SLC2A14: variants seen among roughly 807,000 people sequenced by gnomAD.
SLC2A14 encodes the protein solute carrier family 2, facilitated glucose transporter member 14.
A neutral mutation model predicts 43.0 loss-of-function variants in SLC2A14; 13 were observed. The observed-to-expected ratio is 0.30, with a 90% CI of 0.20 to 0.48. The LOEUF is 0.48. Among genes scored for constraint, SLC2A14 ranks in the 20% least tolerant of loss-of-function variants. The probability of loss-of-function intolerance (pLI) is 0.99; values close to 1 mark genes in which losing one functional copy is unlikely to be tolerated. For synonymous variants in SLC2A14, 190 were observed against 233.8 expected, an observed-to-expected ratio of 0.81 and a Z score of 1.71; for missense variants, 428 against 620.4, an observed-to-expected ratio of 0.69 and a Z score of 3.29.
intron 7 of SLC2A14, 128 bp from the exon 8 acceptor site, chr12:7,821,453 C>T (rs1863902136): frequency 1.4e-6 from 1 of 715,068 alleles, no homozygotes; most frequent in Non-Finnish European, 2.4e-6. Context: ...GAGGCCAAGG[C>T]AAGCAGATCG....
intron 2 of SLC2A14, among the ~76,000 whole-genome samples, chr12:7,858,303 C>T (rs748652960): frequency 2.0e-5 from 3 of 152,046 alleles, no homozygotes; most frequent in Non-Finnish European, 4.4e-5. Context: ...CTCAACCACT[C>T]AACATCTGAC....
intron 1 of SLC2A14, among the ~76,000 whole-genome samples, chr12:7,878,975 T>A (rs1223546336): frequency 2.5e-4 from 2 of 8,106 alleles, no homozygotes; most frequent in Non-Finnish European, 5.5e-4. Flanking sequence ...AGAGTCCGTC[T>A]CAAAAAAAAA....
intron 7 of SLC2A14, among the ~76,000 whole-genome samples, chr12:7,827,095 CTCTT>C (rs1555122320): frequency 3.9e-4 from 21 of 53,568 alleles, no homozygotes; most frequent in East Asian, 8.6e-4. Flanking sequence ...TTCTTTCTTT[CTCTT>C]TCTTTCTTTC....
chr12:7,857,192 G>A (rs1437498824), intron 2 of SLC2A14, among the ~76,000 whole-genome samples: 2 of 152,130 alleles, frequency 1.3e-5, no homozygotes, highest in East Asian at 3.9e-4. Flanking sequence ...GGAGGTTGCA[G>A]TGAGCCGAAA....
intron 2 of SLC2A14, among the ~76,000 whole-genome samples, chr12:7,856,868 C>T (rs983977954): frequency 1.3e-5 from 2 of 150,110 alleles, no homozygotes; most frequent in African/African-American, 2.5e-5. Flanking sequence ...GACAGAGTCT[C>T]GCCCTGTCGC....
In SLC2A14 at chr12:7,821,293, A is replaced by C; in HGVS notation, c.897T>G (p.Asp299Glu). The C allele has an allele frequency of 1.9e-6, 3 of 1,613,888 alleles. No individual in the cohort carries two copies. The highest frequency in any genetic ancestry group is 2.5e-6 in the Non-Finnish European group (3 of 1,179,852). The change falls in exon 8 of 11, where the codon GAT (aspartate) becomes GAG (glutamate). Residue 299 changes from aspartate (D) to glutamate (E), a missense_variant. Transcript: ENST00000431042. Reference sequence around the variant, plus strand: ...CATAGATGGGCTGTTGAACACCTGCATCCTTGAAGATTCCTGTTGAGTAAT... The same window carrying C: ...CATAGATGGGCTGTTGAACACCTGCCTCCTTGAAGATTCCTGTTGAGTAAT... ...VFYYSTGIFKDAGVQQPIYAT... is the reference protein window; with the variant it reads ...VFYYSTGIFKEAGVQQPIYAT...
chr12:7,873,336 G>A, upstream of SLC2A14: 2 of 985,394 alleles, frequency 2.0e-6, no homozygotes, highest in Non-Finnish European at 2.4e-6. Flanking sequence ...GGCCCAGGGC[G>A]AGATCCTGTA....
intron 1 of SLC2A14, among the ~76,000 whole-genome samples, chr12:7,887,618 TA>T (rs1945710555): frequency 6.9e-6 from 1 of 144,060 alleles, no homozygotes; most frequent in Non-Finnish European, 1.6e-5. Flanking sequence ...GATAGTTAGA[TA>T]GATAGATAGA....
intron 1 of SLC2A14, among the ~76,000 whole-genome samples, chr12:7,885,533 A>AT (rs1446562522): frequency 6.9e-6 from 1 of 144,796 alleles, no homozygotes; most frequent in Non-Finnish European, 1.5e-5. Context: ...GAAATGATTC[A>AT]TTAATTTGTT....
At chr12:7,883,202 T>C (rs181729262) in intron 1 of SLC2A14, among the ~76,000 whole-genome samples, 1 of 150,704 alleles carries the variant, frequency 6.6e-6, no homozygotes, top group African/African-American at 2.4e-5. Context: ...AAAGCAAGTC[T>C]CAGTCTCAAA....
At position 7,854,535 on chromosome 12, in the gene SLC2A14, G is replaced by C. The variant is rs182237506; in HGVS notation, c.18+15328C>G. 4.6e-5 allele frequency among the ~76,000 whole-genome samples: 7 copies of C among 152,144 alleles called. No individual in the cohort carries two copies. In the East Asian group the frequency reaches 1.4e-3, roughly 29 times the overall value. ...ATGGAGTTTCACTCTGGTTGCCCAG[G>C]CTGGAGTGCAATGGCCCACGAGTGC... On this transcript the variant is annotated intron_variant, in intron 2 of 10. Coordinates refer to ENST00000431042, the MANE Select transcript of SLC2A14 (RefSeq NM_001286234.2).
intron 6 of SLC2A14, 95 bp downstream of exon 6, chr12:7,828,609 G>C: frequency 7.6e-7 from 1 of 1,313,798 alleles, no homozygotes; most frequent in East Asian, 2.3e-5. Context: ...CTGACGGGCA[G>C]GGAAAGGGTA....
chr12:7,860,854 G>T (rs370455609), intron 2 of SLC2A14: 2 of 151,804 alleles, frequency 1.3e-5, no homozygotes, highest in Non-Finnish European at 2.9e-5. Context: ...GTGCAATGGC[G>T]CAATCTCAGC....
intron 7 of SLC2A14, among the ~76,000 whole-genome samples, chr12:7,823,441 G>A (rs1307477735): frequency 2.0e-5 from 3 of 151,754 alleles, no homozygotes; most frequent in African/African-American, 7.3e-5. Flanking sequence ...ATGAGAAACT[G>A]GCCATGCGCA....
At chr12:7,883,746 G>T (rs1248145175) in intron 1 of SLC2A14, among the ~76,000 whole-genome samples, 1 of 149,666 alleles carries the variant, frequency 6.7e-6, no homozygotes, top group African/African-American at 2.5e-5. Flanking sequence ...ACCACGCCGG[G>T]CTAATTTTTT....
At chr12:7,826,864 T>C (rs375458769) in intron 7 of SLC2A14, among the ~76,000 whole-genome samples, 4,630 of 39,862 alleles carry the variant, frequency 0.12, 669 homozygotes, top group Middle Eastern at 0.14. Flanking sequence ...CTTTCTTTTT[T>C]CTTTCTTTCT....
At chr12:7,883,595 T>TTTTC (rs1945632476) in intron 1 of SLC2A14, among the ~76,000 whole-genome samples, 2 of 88,692 alleles carry the variant, frequency 2.3e-5, no homozygotes, top group African/African-American at 8.1e-5. Context: ...CTTTTCTTTT[T>TTTTC]TTTTTTTTTT....
At chr12:7,880,952 C>T (rs540334524) in intron 1 of SLC2A14, among the ~76,000 whole-genome samples, 11 of 152,074 alleles carry the variant, frequency 7.2e-5, no homozygotes, top group East Asian at 1.9e-4. Flanking sequence ...CCAGCCTGAC[C>T]AACAAGGTGA....
chr12:7,817,743 T>TAGATAGATAG (rs3040822), intron 10 of SLC2A14, 88 bp downstream of exon 10: 236,085 of 957,056 alleles, frequency 0.25, 38,950 homozygotes, highest in East Asian at 0.38. Flanking sequence ...CTCAAAAATA[T>TAGATAGATAG]ATATATATAT....
Sources: gnomAD v4.1 joint callset for allele counts (sites outside exome capture counted in the v4.1 genomes callset) on GRCh38, gnomAD v4.1.1 for gene constraint, MANE v1.5 for transcripts, NCBI Gene and HGNC (gene_info 2026-07-23, HGNC 2026-07-21) for gene names.